The following ANGPTL1 variants were observed in gnomAD, a reference collection of about 807,000 sequenced individuals.
ANGPTL1 encodes the protein angiopoietin-related protein 1.
In ANGPTL1, 36 loss-of-function variants were observed where a neutral mutation model predicts 46.7. That is an observed-to-expected ratio of 0.77 (90% CI 0.59 to 1.02). The LOEUF is 1.02. ANGPTL1 is among the 50% of genes least tolerant of loss of function. The pLI, the probability that ANGPTL1 is intolerant of heterozygous loss-of-function variation, is 0.00. For missense variants in ANGPTL1, 571 were observed against 594.7 expected (o/e 0.96, Z 0.41); for synonymous variants, 221 against 204.3 (o/e 1.08, Z -0.69).
chr1:178,853,050 T>C, intron 4 of ANGPTL1, 97 bp from the exon 5 acceptor site: 1 of 1,481,536 alleles, frequency 6.7e-7, no homozygotes, highest in Non-Finnish European at 8.9e-7. Context: ...ATAAAGATAC[T>C]GGCCATTTAA....
intron 3 of ANGPTL1, among the ~76,000 whole-genome samples, chr1:178,859,831 C>T (rs931107239): frequency 9.9e-6 from 1 of 100,560 alleles, no homozygotes; most frequent in Non-Finnish European, 2.3e-5. Context: ...CCCCCCCCCC[C>T]CCAACCGCCC....
intron 2 of ANGPTL1, among the ~76,000 whole-genome samples, chr1:178,867,928 T>G (rs1471012908): frequency 6.6e-6 from 1 of 152,004 alleles, no homozygotes; most frequent in African/African-American, 2.4e-5. Context: ...ATTTTTCAAT[T>G]GAATAGTGTC....
intron 2 of ANGPTL1, among the ~76,000 whole-genome samples, 199 bp from the exon 3 acceptor site, chr1:178,866,001 G>C (rs1658380884): frequency 6.6e-6 from 1 of 152,056 alleles, no homozygotes; most frequent in South Asian, 2.1e-4. Flanking sequence ...TAAAGATTAG[G>C]TTTCAGAGAA....
rs900516425 is a variant in ANGPTL1, at chr1:178,849,581, A to G, written c.*1548T>C. ...GTTTTATTCACTTAAGATTTGGTGT[A>G]ACAGTTAGATGCCCAGTTCCTTCCA... On this transcript the variant is annotated 3_prime_UTR_variant, in exon 6 of 6. Coordinates refer to ENST00000234816, the MANE Select transcript of ANGPTL1 (RefSeq NM_004673.4). 1.3e-5 allele frequency: 2 copies of G among 152,210 alleles called. No homozygotes were observed. Among genetic ancestry groups the G allele is most frequent in the Non-Finnish European group, 2.9e-5 (2 of 68,038 alleles). The allele number at this position is 152,210 out of a possible 1,614,324, so 9.4% of individuals were successfully genotyped here. A position where few individuals can be genotyped will look rare whatever the true frequency, so the allele number is the denominator to read the frequency against.
intron 4 of ANGPTL1, 126 bp from the exon 5 acceptor site, chr1:178,853,079 A>G: frequency 6.9e-7 from 1 of 1,444,298 alleles, no homozygotes; most frequent in Non-Finnish European, 9.1e-7. Flanking sequence ...GTGAGCTTCC[A>G]TTTTAGTTGG....
intron 3 of ANGPTL1, among the ~76,000 whole-genome samples, chr1:178,855,932 A>G (rs1310011562): frequency 6.7e-6 from 1 of 149,246 alleles, no homozygotes; most frequent in Non-Finnish European, 1.5e-5. Flanking sequence ...ATTACATTGA[A>G]TATATATACA....
Position 178,865,797 on chromosome 1 carries a change from T to G in ANGPTL1, c.-21A>C. The G allele has an allele frequency of 6.6e-7, 1 of 1,525,878 alleles. No individual in the cohort carries two copies. Among genetic ancestry groups the G allele is most frequent in the Non-Finnish European group, 8.8e-7 (1 of 1,137,594 alleles). The allele number at this position is 1,525,878 out of a possible 1,614,324, so 94.5% of individuals were successfully genotyped here. On this transcript the variant is annotated 5_prime_UTR_variant, in exon 3 of 6. Coordinates refer to ENST00000234816, the MANE Select transcript of ANGPTL1 (RefSeq NM_004673.4). ...TTCATTTTGAAATGAGGTTGTAAAATGATGTCTTTTGAAAAACAAATCAGT... is the reference window on the plus strand; with the variant it reads ...TTCATTTTGAAATGAGGTTGTAAAAGGATGTCTTTTGAAAAACAAATCAGT...
chr1:178,852,994 A>G, intron 4 of ANGPTL1, 41 bp from the exon 5 acceptor site: 1 of 1,556,540 alleles, frequency 6.4e-7, no homozygotes, highest in African/African-American at 1.4e-5. Flanking sequence ...AAATAAGTAT[A>G]GAGATAGTAA....
At chr1:178,854,890 T>G (rs1449768645) in intron 3 of ANGPTL1, among the ~76,000 whole-genome samples, 2 of 152,188 alleles carry the variant, frequency 1.3e-5, no homozygotes, top group East Asian at 3.8e-4. Context: ...AACTTGAGAT[T>G]TCCACATTTT....
At chr1:178,862,598 TTTA>T (rs1431351955) in intron 3 of ANGPTL1, among the ~76,000 whole-genome samples, 5 of 55,434 alleles carry the variant, frequency 9.0e-5, no homozygotes, top group Non-Finnish European at 1.7e-4. Flanking sequence ...ATTTTTTTTA[TTTA>T]TTTATTTATT....
At chr1:178,868,434 TTAAA>T (rs1419089175) in intron 2 of ANGPTL1, among the ~76,000 whole-genome samples, 3 of 151,946 alleles carry the variant, frequency 2.0e-5, no homozygotes, top group Non-Finnish European at 4.4e-5. Context: ...ATTATTTTAC[TTAAA>T]TAATATTTAC....
chr1:178,855,609 T>A (rs1657481322), intron 3 of ANGPTL1, among the ~76,000 whole-genome samples: 1 of 151,926 alleles, frequency 6.6e-6, no homozygotes, highest in South Asian at 2.1e-4. Flanking sequence ...TTTTTAGTTC[T>A]AGAGTTGCAA....
intron 3 of ANGPTL1, among the ~76,000 whole-genome samples, chr1:178,855,378 T>A (rs1051224292): frequency 4.0e-5 from 6 of 151,710 alleles, no homozygotes; most frequent in African/African-American, 1.5e-4. Flanking sequence ...ATTAAATTTC[T>A]CATTTTAAAT....
rs650651 is a variant in ANGPTL1, at chr1:178,850,094, C to T, written c.*1035G>A. 15 of 152,644 alleles carry T rather than the reference C, an allele frequency of 9.8e-5. No homozygotes were observed. Among genetic ancestry groups the T allele is most frequent in the Non-Finnish European group, 1.5e-4 (10 of 68,052 alleles). The allele number at this position is 152,644 out of a possible 1,614,324, so 9.5% of individuals were successfully genotyped here. A position where few individuals can be genotyped will look rare whatever the true frequency, so the allele number is the denominator to read the frequency against. ...AATTAGCAGTTTGGACTAAGCTATG[C>T]CCCTGTGGCTTCTGCTCTGGAGCTG... On this transcript the variant is annotated 3_prime_UTR_variant, in exon 6 of 6. Coordinates refer to ENST00000234816, the MANE Select transcript of ANGPTL1 (RefSeq NM_004673.4).
chr1:178,865,304 A>G lies in ANGPTL1; in HGVS notation c.473T>C (p.Ile158Thr). The G allele has an allele frequency of 1.2e-6, 2 of 1,613,990 alleles. No individual in the cohort carries two copies. Among genetic ancestry groups the G allele is most frequent in the Middle Eastern group, 1.6e-4 (1 of 6,062 alleles). Residue 158 changes from isoleucine (I) to threonine (T), a missense_variant, in exon 3 of 6, where the codon ATC (isoleucine) becomes ACC (threonine). By Grantham distance (89) the Ile-to-Thr change is moderately conservative. Transcript: ENST00000234816. Reference protein sequence around the residue: ...SLELSQLENKILNVTTEMLKM... With the variant: ...SLELSQLENKTLNVTTEMLKM... ...CAACATTTCTGTGGTGACATTGAGG[A>G]TTTTGTTTTCCAGTTGGGAAAGTTC...
At chr1:178,859,830 C>CA (rs563978499) in intron 3 of ANGPTL1, among the ~76,000 whole-genome samples, 1 of 98,458 alleles carries the variant, frequency 1.0e-5, no homozygotes, top group African/African-American at 3.6e-5. Flanking sequence ...GCCCCCCCCC[C>CA]CCCAACCGCC....
chr1:178,865,807 T>C lies in ANGPTL1; in HGVS notation c.-26-5A>G. 2 of 1,501,926 alleles carry C rather than the reference T, an allele frequency of 1.3e-6. No individual in the cohort carries two copies. The highest frequency in any genetic ancestry group is 1.8e-6 in the Non-Finnish European group (2 of 1,119,828). The allele number at this position is 1,501,926 out of a possible 1,614,324, so 93.0% of individuals were successfully genotyped here. On this transcript the variant is annotated splice_polypyrimidine_tract_variant and splice_region_variant and intron_variant, in intron 2 of 5. Coordinates refer to ENST00000234816, the MANE Select transcript of ANGPTL1 (RefSeq NM_004673.4). ...AATGAGGTTGTAAAATGATGTCTTT[T>C]GAAAAACAAATCAGTGAAGGAGAAA... is the stretch of plus-strand genomic sequence containing the variant.
Position 178,851,044 on chromosome 1 carries a change from C to A in ANGPTL1, c.*85G>T. ...ACTTTCTGTGTAGAAATAAATTGTG[C>A]CAAGTAATATACATGTAACATTTAC... is the stretch of plus-strand genomic sequence containing the variant. On this transcript the variant is annotated 3_prime_UTR_variant, in exon 6 of 6. Transcript: ENST00000234816. The A allele has an allele frequency of 8.0e-7, 1 of 1,251,626 alleles. No homozygotes were observed. The highest frequency in any genetic ancestry group is 1.1e-6 in the Non-Finnish European group (1 of 930,834). The allele number at this position is 1,251,626 out of a possible 1,614,324, so 77.5% of individuals were successfully genotyped here.
intron 3 of ANGPTL1, among the ~76,000 whole-genome samples, chr1:178,856,194 GAGAGAGAGATATATATATATATATAT>G (rs1228182320): frequency 2.1e-4 from 21 of 99,198 alleles, no homozygotes; most frequent in African/African-American, 7.1e-4. Context: ...CTTTTCCAGA[GAGAGAGAGATATATATATATATATAT>G]ATATATATAT....
Sources: gnomAD v4.1 joint callset for allele counts (sites outside exome capture counted in the v4.1 genomes callset) on GRCh38, gnomAD v4.1.1 for gene constraint, MANE v1.5 for transcripts, NCBI Gene and HGNC (gene_info 2026-07-23, HGNC 2026-07-21) for gene names.